Variants in NUP153 observed in about 807,000 individuals in gnomAD.
NUP153 encodes the protein nucleoporin 153, also known as nuclear pore complex protein Nup153.
In NUP153, 27 loss-of-function variants were observed where a neutral mutation model predicts 134.6. The ratio of observed to expected loss-of-function variants is 0.20; its 90% confidence interval spans 0.15 to 0.28. The LOEUF (loss-of-function observed/expected upper bound fraction) is 0.28, where lower values mean the gene tolerates loss of function less well. NUP153 is among the 10% of genes least tolerant of loss of function. The probability of loss-of-function intolerance (pLI) is 1.00; values close to 1 mark genes in which losing one functional copy is unlikely to be tolerated. For missense variants in NUP153, 1,821 were observed against 1,731.3 expected (o/e 1.05, Z -0.92); for synonymous variants, 640 against 623.5 (o/e 1.03, Z -0.40).
At chr6:17,697,438 C>A (rs1412365379) in intron 1 of NUP153, among the ~76,000 whole-genome samples, 1 of 152,200 alleles carries the variant, frequency 6.6e-6, no homozygotes, top group Non-Finnish European at 1.5e-5. Context: ...GTAATCCCAG[C>A]ACTTTGGGAG....
At position 17,706,637 on chromosome 6, in the gene NUP153, C is replaced by CGGACCCCCGCCTCTGT; in HGVS notation, c.-266_-251dup. The CGGACCCCCGCCTCTGT allele has an allele frequency of 1.8e-6, 1 of 553,280 alleles. No individual in the cohort carries two copies. Among genetic ancestry groups the CGGACCCCCGCCTCTGT allele is most frequent in the East Asian group, 3.3e-5 (1 of 30,366 alleles). 34.3% of individuals were successfully genotyped at this position (553,280 alleles called of 1,614,324 possible). A position where few individuals can be genotyped will look rare whatever the true frequency, so the allele number is the denominator to read the frequency against. Reference sequence around the variant, plus strand: ...GGAGGCTCCGGTCCGGCCGCCTCTGCGGACCCCCGCCTCTGTGTGTGTCAC... The same window carrying CGGACCCCCGCCTCTGT: ...GGAGGCTCCGGTCCGGCCGCCTCTGCGGACCCCCGCCTCTGTGGACCCCCGCCTCTGTGTGTGTCAC... On this transcript the variant is annotated 5_prime_UTR_variant, in exon 1 of 22. Transcript: ENST00000262077. This position sits in a 1 kb window ranked among gnomAD's most constrained non-coding sequence, Gnocchi z 5.9.
chr6:17,643,726 A>C (rs1765980092), intron 14 of NUP153, among the ~76,000 whole-genome samples: 1 of 152,186 alleles, frequency 6.6e-6, no homozygotes, highest in African/African-American at 2.4e-5. Flanking sequence ...AAGTGGTGAG[A>C]ACCAACGGTG....
chr6:17,625,739 G>A lies in NUP153; in HGVS notation c.3901+69C>T, dbSNP rs531930320. ...TGTGATAACCTGCTATATGATATTC[G>A]CTAAGAACTGACACACTAATAAGTA... On this transcript the variant is annotated intron_variant, in intron 19 of 21. Coordinates refer to ENST00000262077, the MANE Select transcript of NUP153 (RefSeq NM_005124.4). The surrounding 1 kb of genome is among the most constrained non-coding windows in gnomAD (Gnocchi z 4.7). 61 of 1,191,776 alleles carry A rather than the reference G, an allele frequency of 5.1e-5. 2 individuals carry two copies. The highest frequency in any genetic ancestry group is 4.0e-4 in the South Asian group (30 of 74,314). The allele number at this position is 1,191,776 out of a possible 1,614,324, so 73.8% of individuals were successfully genotyped here.
chr6:17,693,183 TACACACACACACACAC>T (rs67348223), intron 1 of NUP153, among the ~76,000 whole-genome samples: 19 of 145,824 alleles, frequency 1.3e-4, no homozygotes, highest in Non-Finnish European at 2.5e-4. Context: ...AGCTTTTTCC[TACACACACACACACAC>T]ACACACACAC....
Position 17,669,022 on chromosome 6 carries a change from CAAG to C in NUP153, c.1018_1020del (p.Leu340del), listed in dbSNP as rs1767726715. The stretch of plus-strand genomic sequence containing the variant: ...TCTGTGATATCTATCCCACTCCTAT[CAAG>C]AGGCTGAAAAAAAAAAAAAACACTA... On this transcript the variant is annotated inframe_deletion, in exon 8 of 22. Transcript: ENST00000262077. 4.2e-6 allele frequency: 6 copies of C among 1,414,470 alleles called. No individual in the cohort carries two copies. The highest frequency in any genetic ancestry group is 5.6e-6 in the Non-Finnish European group (6 of 1,062,564). The allele number at this position is 1,414,470 out of a possible 1,614,324, so 87.6% of individuals were successfully genotyped here. A position where few individuals can be genotyped will look rare whatever the true frequency, so the allele number is the denominator to read the frequency against.
intron 20 of NUP153, among the ~76,000 whole-genome samples, chr6:17,618,270 T>C (rs1764441749): frequency 6.6e-6 from 1 of 152,174 alleles, no homozygotes; most frequent in South Asian, 2.1e-4. Context: ...TTAAGTGGTA[T>C]TTACGTGTCC....
chr6:17,624,621 G>T lies in NUP153; in HGVS notation c.4114C>A (p.Pro1372Thr), dbSNP rs1185822897. ...FGTVSSSSQP[P>T]VFGQQPSQSA... The stretch of plus-strand genomic sequence containing the variant: ...TGACTAGGTTGCTGTCCAAACACAG[G>T]GGGCTGGCTACTGCTTGACACTGTC... The change falls in exon 20 of 22, where the codon CCT (proline) becomes ACT (threonine). Residue 1372 changes from proline to threonine, a missense_variant. Coordinates refer to ENST00000262077, the MANE Select transcript of NUP153 (RefSeq NM_005124.4). 3 of 1,614,034 alleles carry T rather than the reference G, an allele frequency of 1.9e-6. No individual in the cohort carries two copies. In the African/African-American group the frequency reaches 4.0e-5, roughly 22 times the overall value.
At position 17,632,800 on chromosome 6, in the gene NUP153, G is replaced by C. The variant is rs375565425; in HGVS notation, c.2509C>G (p.Leu837Val). 4.0e-6 allele frequency: 6 copies of C among 1,494,958 alleles called. No homozygotes were observed. In the South Asian group the frequency reaches 6.7e-5, roughly 17 times the overall value. 92.6% of individuals were successfully genotyped at this position (1,494,958 alleles called of 1,614,324 possible). A position where few individuals can be genotyped will look rare whatever the true frequency, so the allele number is the denominator to read the frequency against. The stretch of plus-strand genomic sequence containing the variant: ...AATCCTAGAGAGCCTCCAGAAGGCA[G>C]AGAGACAGGTACAGTGCTGCTACTT... ...ASSSSTVPVS[L>V]PSGGSLGLEK... The change falls in exon 17 of 22, where the codon CTG (leucine) becomes GTG (valine). Residue 837 changes from leucine to valine, a missense_variant. Physicochemically the swap from Leu to Val is conservative, Grantham distance 32 (BLOSUM62 1). Coordinates refer to ENST00000262077, the MANE Select transcript of NUP153 (RefSeq NM_005124.4).
chr6:17,702,461 TCG>T (rs1396547260), intron 1 of NUP153, among the ~76,000 whole-genome samples: 14 of 151,944 alleles, frequency 9.2e-5, no homozygotes, highest in Non-Finnish European at 1.6e-4. Flanking sequence ...TGAGCAGAGA[TCG>T]TGCCACTGCA....
chr6:17,688,723 CA>C (rs1769097275), intron 1 of NUP153, 105 bp from the exon 2 acceptor site: 2 of 799,658 alleles, frequency 2.5e-6, no homozygotes, highest in Admixed American at 5.1e-5. Context: ...TGGTGTCCAA[CA>C]AGTTTGCCAA....
At chr6:17,693,183 T>TACACACAG (rs1554147059) in intron 1 of NUP153, among the ~76,000 whole-genome samples, 2 of 145,824 alleles carry the variant, frequency 1.4e-5, no homozygotes, top group Non-Finnish European at 3.0e-5. Context: ...AGCTTTTTCC[T>TACACACAG]ACACACACAC....
At position 17,698,478 on chromosome 6, in the gene NUP153, C is replaced by T. The variant is rs1403343331; in HGVS notation, c.111+7799G>A. Among the ~76,000 whole-genome samples, 3 of 152,194 alleles carry T rather than the reference C, an allele frequency of 2.0e-5. No individual in the cohort carries two copies. In the East Asian group the frequency reaches 5.8e-4, roughly 29 times the overall value. On this transcript the variant is annotated intron_variant, in intron 1 of 21. Coordinates refer to ENST00000262077, the MANE Select transcript of NUP153 (RefSeq NM_005124.4). ...GAGCAGCCGGGCGTGGTGGCTCACG[C>T]CTGTAACCCCAGCACTTTGGGAGGC...
At chr6:17,618,363 A>G (rs1764445374) in intron 20 of NUP153, among the ~76,000 whole-genome samples, 1 of 152,202 alleles carries the variant, frequency 6.6e-6, no homozygotes, top group East Asian at 1.9e-4. Flanking sequence ...GACAAAAATA[A>G]TAAAAGCAAT....
chr6:17,624,769 G>C lies in NUP153; in HGVS notation c.3966C>G (p.Asn1322Lys), dbSNP rs138887090. 1.2e-6 allele frequency: 2 copies of C among 1,614,012 alleles called. No homozygotes were observed. Among genetic ancestry groups the C allele is most frequent in the African/African-American group, 1.3e-5 (1 of 74,916 alleles). The change falls in exon 20 of 22, where the codon AAC (asparagine) becomes AAG (lysine). Residue 1322 changes from asparagine (N) to lysine (K), a missense_variant. Physicochemically the swap from Asn to Lys is moderately conservative, Grantham distance 94 (BLOSUM62 0). Transcript: ENST00000262077. ...APSASPAFGA[N>K]QTPTFGQSQG... is the part of the protein sequence containing the mutation. ...GACTTTGTCCAAATGTTGGGGTCTG[G>C]TTAGCACCAAATGCTGGACTGGCAG...
chr6:17,684,988 T>C (rs1768825183), intron 2 of NUP153, among the ~76,000 whole-genome samples: 1 of 152,130 alleles, frequency 6.6e-6, no homozygotes, highest in African/African-American at 2.4e-5. Flanking sequence ...GATACATAAT[T>C]TAAAAGTTTG....
chr6:17,637,691 T>C lies in NUP153; in HGVS notation c.1926A>G (p.Ile642Met), dbSNP rs752798412. 18 of 1,611,618 alleles carry C rather than the reference T, an allele frequency of 1.1e-5. No homozygotes were observed. The highest frequency in any genetic ancestry group is 6.7e-5 in the Admixed American group (4 of 60,002). The change falls in exon 16 of 22, where the codon ATA (isoleucine) becomes ATG (methionine). Residue 642 changes from isoleucine to methionine, a missense_variant. By Grantham distance (10) the Ile-to-Met change is conservative. Transcript: ENST00000262077. ...TSPVVYTRPAISSFSSSGIGF... is the reference protein window; with the variant it reads ...TSPVVYTRPAMSSFSSSGIGF... ...CAATTCCACTAGAAGAAAAGCTACT[T>C]ATTGCTGGTCTTGTATAAACTACTG...
intron 5 of NUP153, among the ~76,000 whole-genome samples, chr6:17,674,020 A>G (rs2113832890): frequency 1.3e-5 from 2 of 152,350 alleles, no homozygotes; most frequent in East Asian, 3.9e-4. Context: ...CTATTAAAAG[A>G]TGCAAAAACA....
chr6:17,666,210 A>T (rs1767525004), intron 8 of NUP153, among the ~76,000 whole-genome samples: 1 of 152,086 alleles, frequency 6.6e-6, no homozygotes, highest in Non-Finnish European at 1.5e-5. Context: ...TGAGCTGCAA[A>T]TAAGATATTT....
intron 1 of NUP153, among the ~76,000 whole-genome samples, chr6:17,698,686 C>T (rs936356013): frequency 1.9e-4 from 28 of 148,802 alleles, no homozygotes; most frequent in South Asian, 1.5e-3. Context: ...TGCAGTGAGC[C>T]GAGATCGCGC....
Sources: gnomAD v4.1 joint callset for allele counts (sites outside exome capture counted in the v4.1 genomes callset) on GRCh38, gnomAD v4.1.1 for gene constraint, Gnocchi (gnomAD v3.1) non-coding constraint, MANE v1.5 for transcripts, NCBI Gene and HGNC (gene_info 2026-07-23, HGNC 2026-07-21) for gene names.